Variants in ASTN1 observed in about 807,000 individuals in gnomAD.
The protein encoded by ASTN1 is astrotactin-1.
Under a neutral mutation model 140.7 loss-of-function variants are expected in ASTN1, and 41 were observed. The ratio of observed to expected loss-of-function variants is 0.29; its 90% CI spans 0.23 to 0.38. ASTN1 has a LOEUF of 0.38. Ranked by LOEUF, ASTN1 falls within the 10% of genes least tolerant of loss-of-function variation. ASTN1 has a pLI of 1.00. For missense variants in ASTN1, 1,479 were observed against 1,678.8 expected (o/e 0.88, Z 2.08); for synonymous variants, 640 against 652.2 (o/e 0.98, Z 0.29).
At chr1:177,099,440 C>T (rs1277088952) in intron 1 of ASTN1, among the ~76,000 whole-genome samples, 1 of 151,786 alleles carries the variant, frequency 6.6e-6, no homozygotes, top group East Asian at 1.9e-4. Context: ...CATAAAATAT[C>T]AGATCAGTTG....
At chr1:177,153,302 T>C (rs552694075) in intron 1 of ASTN1, among the ~76,000 whole-genome samples, 129 of 152,292 alleles carry the variant, frequency 8.5e-4, no homozygotes, top group Admixed American at 1.6e-3. Context: ...CTTTCCTTTG[T>C]CTTCCACCAT....
intron 1 of ASTN1, among the ~76,000 whole-genome samples, chr1:177,075,645 C>CTTTTCT (rs1476411974): frequency 1.2e-4 from 12 of 99,550 alleles, no homozygotes; most frequent in Non-Finnish European, 1.9e-4. Context: ...CTTTTCTTTT[C>CTTTTCT]TTTTTTTTTT....
rs755864113 is a variant in ASTN1, at chr1:176,949,301, G to A, written c.1938C>T (p.Arg646=). The A allele has an allele frequency of 2.5e-5, 41 of 1,614,116 alleles. No homozygotes were observed. The highest frequency in any genetic ancestry group is 3.4e-5 in the Non-Finnish European group (40 of 1,180,036). ...CGTCGGAACAGTCCACCCCGATGTGGCGGTCATAGCAGCCAGAGCTGTCCT... is the reference window on the plus strand; with the variant it reads ...CGTCGGAACAGTCCACCCCGATGTGACGGTCATAGCAGCCAGAGCTGTCCT... ...PMKDSSGCYD[R]HIGVDCSDGF... Residue 646 remains arginine (R), a synonymous_variant, in exon 12 of 23, where the codon CGC becomes CGT. Coordinates refer to ENST00000361833, the MANE Select transcript of ASTN1 (RefSeq NM_004319.3).
chr1:177,142,488 C>T lies in ASTN1; in HGVS notation c.283+21906G>A, dbSNP rs187255215. On this transcript the variant is annotated intron_variant, in intron 1 of 22. Transcript: ENST00000361833. ...GACTTGGAAAAAGTACTTCAGAATCCCAGACAACGTGGAGTAGTTTGGAAA... is the reference window on the plus strand; with the variant it reads ...GACTTGGAAAAAGTACTTCAGAATCTCAGACAACGTGGAGTAGTTTGGAAA... Among the ~76,000 whole-genome samples, 667 of 152,110 alleles carry T rather than the reference C, an allele frequency of 4.4e-3. 19 individuals carry two copies. The highest frequency in any genetic ancestry group is 0.031 in the Admixed American group (476 of 15,278).
chr1:176,926,192 G>A (rs545431309), intron 16 of ASTN1, among the ~76,000 whole-genome samples: 135 of 149,752 alleles, frequency 9.0e-4, no homozygotes, highest in African/African-American at 2.9e-3. Flanking sequence ...TTATTATTTC[G>A]TTATCTATAA....
chr1:177,028,238 C>T (rs1260324845), intron 5 of ASTN1, among the ~76,000 whole-genome samples: 1 of 152,106 alleles, frequency 6.6e-6, no homozygotes, highest in Admixed American at 6.5e-5. Flanking sequence ...AGGACACACC[C>T]TGCTTTGATT....
chr1:176,960,648 C>A (rs1381693317), intron 9 of ASTN1, among the ~76,000 whole-genome samples: 1 of 152,194 alleles, frequency 6.6e-6, no homozygotes, highest in African/African-American at 2.4e-5. Flanking sequence ...TCCCAGCCTC[C>A]AAAGAGGTCA....
In ASTN1 at chr1:177,021,256, T is replaced by C. The variant is rs1675809903; in HGVS notation, c.1438+2148A>G. 1.3e-5 allele frequency among the ~76,000 whole-genome samples: 2 copies of C among 152,210 alleles called. 1 individual carries two copies. The highest frequency in any genetic ancestry group is 4.1e-4 in the South Asian group (2 of 4,828). On this transcript the variant is annotated intron_variant, in intron 7 of 22. Transcript: ENST00000361833. ...AGATTATTTTTAGTCTTCCTCTGTG[T>C]CTTTCCAATAGGAAATTCATTCATG...
intron 16 of ASTN1, among the ~76,000 whole-genome samples, chr1:176,902,219 C>G (rs1669797691): frequency 6.6e-6 from 1 of 152,204 alleles, no homozygotes; most frequent in African/African-American, 2.4e-5. Flanking sequence ...ACGTTCCCTC[C>G]AATCCCTGTT....
chr1:176,861,196 T>C lies in ASTN1; in HGVS notation c.*3088A>G. On this transcript the variant is annotated 3_prime_UTR_variant, in exon 23 of 23. Transcript: ENST00000361833. ...ATTATATTCTTTCTTCCTTCTGCAG[T>C]AGTAAAGTGTTTTTCTTCATACTCA... 11 of 968,284 alleles carry C rather than the reference T, an allele frequency of 1.1e-5. No homozygotes were observed. The highest frequency in any genetic ancestry group is 1.4e-5 in the Non-Finnish European group (11 of 813,990). The allele number at this position is 968,284 out of a possible 1,614,324, so 60.0% of individuals were successfully genotyped here. A position where few individuals can be genotyped will look rare whatever the true frequency, so the allele number is the denominator to read the frequency against.
chr1:176,949,281 G>C lies in ASTN1; in HGVS notation c.1958C>G (p.Ser653Cys). The stretch of plus-strand genomic sequence containing the variant: ...CTCACAGCCGCCGTTGAAGCCGTCG[G>C]AACAGTCCACCCCGATGTGGCGGTC... ...CYDRHIGVDC[S>C]DGFNGGCEQL... The change falls in exon 12 of 23, where the codon TCC becomes TGC. Residue 653 changes from serine to cysteine, a missense_variant. Physicochemically the swap from Ser to Cys is moderately radical, Grantham distance 112 (BLOSUM62 -1). This residue lies in a region of ASTN1 where 729 missense variants were observed against 860.4 expected (regional missense o/e 0.85). Coordinates refer to ENST00000361833, the MANE Select transcript of ASTN1 (RefSeq NM_004319.3). 6.2e-7 allele frequency: 1 copy of C among 1,614,136 alleles called. No individual in the cohort carries two copies.
chr1:176,860,974 T>A, downstream of ASTN1: 1 of 633,916 alleles, frequency 1.6e-6, no homozygotes. Flanking sequence ...ATGTCTGGAA[T>A]CTGAAGTGTA....
In ASTN1 at chr1:177,162,030, T is replaced by C. The variant is rs74129905; in HGVS notation, c.283+2364A>G. 2.6e-3 allele frequency among the ~76,000 whole-genome samples: 389 copies of C among 152,250 alleles called. 4 individuals are homozygous for C. The highest frequency in any genetic ancestry group is 9.2e-3 in the African/African-American group (380 of 41,530). ...CTGAGCAGGTACAACTCAATAAATT[T>C]CCAGAATTGACTGATTCAGATTCCT... On this transcript the variant is annotated intron_variant, in intron 1 of 22. Transcript: ENST00000361833.
intron 16 of ASTN1, among the ~76,000 whole-genome samples, chr1:176,899,032 A>G (rs1332902904): frequency 1.3e-5 from 2 of 152,210 alleles, no homozygotes; most frequent in Non-Finnish European, 2.9e-5. Flanking sequence ...CACTGTTGTC[A>G]GGGAAGGTCC....
At chr1:177,054,890 A>C (rs556880662) in intron 2 of ASTN1, among the ~76,000 whole-genome samples, 1 of 152,340 alleles carries the variant, frequency 6.6e-6, no homozygotes, top group African/African-American at 2.4e-5. Context: ...CCAAACCACA[A>C]GCTATGGAGG....
downstream of ASTN1, among the ~76,000 whole-genome samples, chr1:176,859,611 T>C (rs959890445): frequency 3.3e-5 from 5 of 152,080 alleles, no homozygotes; most frequent in Non-Finnish European, 7.4e-5. Flanking sequence ...CGGAACCCTG[T>C]CTCTACTGAA....
intron 9 of ASTN1, among the ~76,000 whole-genome samples, chr1:176,962,787 G>A (rs1255192104): frequency 3.3e-5 from 5 of 152,254 alleles, no homozygotes; most frequent in East Asian, 1.9e-4. Flanking sequence ...TATGATCATC[G>A]GTCATTTTTA....
chr1:177,124,368 A>C (rs1681544404), intron 1 of ASTN1, among the ~76,000 whole-genome samples: 2 of 152,342 alleles, frequency 1.3e-5, no homozygotes, highest in Non-Finnish European at 1.5e-5. Flanking sequence ...AAATTATTCA[A>C]GTCATTCTCA....
At chr1:177,004,388 A>G (rs920521399) in intron 8 of ASTN1, among the ~76,000 whole-genome samples, 4 of 152,216 alleles carry the variant, frequency 2.6e-5, no homozygotes, top group Non-Finnish European at 5.9e-5. Context: ...GAAAATGACC[A>G]TACTGCCCAA....
Sources: gnomAD v4.1 joint callset for allele counts (sites outside exome capture counted in the v4.1 genomes callset) on GRCh38, gnomAD v4.1.1 for gene constraint, gnomAD v4.1.1 regional missense constraint, MANE v1.5 for transcripts, NCBI Gene and HGNC (gene_info 2026-07-23, HGNC 2026-07-21) for gene names.